TRIO: variants seen among roughly 807,000 people sequenced by gnomAD.
TRIO encodes trio Rho guanine nucleotide exchange factor.
A neutral mutation model predicts 351.9 loss-of-function variants in TRIO; 58 were observed. The observed-to-expected ratio is 0.16, with a 90% CI of 0.13 to 0.21. The LOEUF (loss-of-function observed/expected upper bound fraction) is 0.21, where lower values mean the gene tolerates loss of function less well. TRIO is among the 10% of genes least tolerant of loss of function. TRIO has a pLI of 1.00. For missense variants in TRIO, 3,201 were observed against 4,027.8 expected (o/e 0.79, Z 5.56); for synonymous variants, 1,758 against 1,595.7 (o/e 1.10, Z -2.42).
At chr5:14,375,117 G>A (rs1389479269) in intron 19 of TRIO, among the ~76,000 whole-genome samples, 3 of 152,162 alleles carry the variant, frequency 2.0e-5, no homozygotes, top group African/African-American at 7.2e-5. Flanking sequence ...TCATCTGTTA[G>A]TTGTCACAAA....
chr5:14,479,152 G>A (rs147103106), intron 41 of TRIO, 109 bp from the exon 42 acceptor site: 1 of 868,684 alleles, frequency 1.2e-6, no homozygotes, highest in African/African-American at 1.7e-5. Context: ...TGTGCAGCTT[G>A]GTTTTAAGAT....
At chr5:14,409,493 C>T (rs1748999353) in intron 33 of TRIO, among the ~76,000 whole-genome samples, 1 of 151,996 alleles carries the variant, frequency 6.6e-6, no homozygotes, top group African/African-American at 2.4e-5. Context: ...TTCTCTTGAC[C>T]TCATCTGATG....
intron 7 of TRIO, among the ~76,000 whole-genome samples, chr5:14,304,091 G>T: frequency 6.6e-6 from 1 of 152,178 alleles, no homozygotes; most frequent in Non-Finnish European, 1.5e-5. Context: ...TCATCTTTCT[G>T]TCCTCCCTTG....
Position 14,507,969 on chromosome 5 carries a change from C to A in TRIO, c.8841C>A (p.Tyr2947Ter). ...ATGCTGTTCAGCTCAACACGACCTA[C>A]TACATCCACCAGTTACTGGGGAACC... ...FGDAVQLNTT[Y>*]YIHQLLGNPE... Residue 2947 changes from tyrosine (Y) to a stop codon, truncating the protein, a stop_gained, in exon 57 of 57, where the codon TAC becomes TAA. Transcript: ENST00000344204. LOFTEE classifies it high-confidence loss of function. 6.2e-7 allele frequency: 1 copy of A among 1,614,248 alleles called. No homozygotes were observed. Among genetic ancestry groups the A allele is most frequent in the Non-Finnish European group, 8.5e-7 (1 of 1,180,048 alleles).
intron 11 of TRIO, among the ~76,000 whole-genome samples, chr5:14,345,593 C>T (rs1168194427): frequency 6.6e-6 from 1 of 152,218 alleles, no homozygotes. Flanking sequence ...CATAGTCTCA[C>T]TCTGTCACCC....
At chr5:14,176,935 A>T (rs972621698) in intron 1 of TRIO, among the ~76,000 whole-genome samples, 4 of 152,230 alleles carry the variant, frequency 2.6e-5, no homozygotes, top group African/African-American at 9.6e-5. Flanking sequence ...TACAGGGTTG[A>T]TAATATTATA....
Position 14,497,166 on chromosome 5 carries a change from T to C in TRIO, c.8019+149T>C, listed in dbSNP as rs1756956589. The C allele has an allele frequency of 4.2e-6, 5 of 1,193,694 alleles. No homozygotes were observed. In the East Asian group the frequency reaches 1.3e-4, roughly 31 times the overall value. 73.9% of individuals were successfully genotyped at this position (1,193,694 alleles called of 1,614,324 possible). A position where few individuals can be genotyped will look rare whatever the true frequency, so the allele number is the denominator to read the frequency against. On this transcript the variant is annotated intron_variant, in intron 50 of 56. Coordinates refer to ENST00000344204, the MANE Select transcript of TRIO (RefSeq NM_007118.4). This position sits in a 1 kb window ranked among gnomAD's most constrained non-coding sequence, Gnocchi z 4.4. ...GTGCCCTGCGTGTCCTGTAGGGTCT[T>C]GTTAGGGGCACTATGCTGGCCAGCA...
chr5:14,304,330 A>T (rs367881195), intron 7 of TRIO, 131 bp from the exon 8 acceptor site: 25 of 907,816 alleles, frequency 2.8e-5, no homozygotes, highest in Admixed American at 8.5e-5. Flanking sequence ...GCCATTTGAG[A>T]TGGAGAGTCA....
At chr5:14,490,347 A>G (rs943590063) in intron 48 of TRIO, among the ~76,000 whole-genome samples, 1 of 152,114 alleles carries the variant, frequency 6.6e-6, no homozygotes, top group African/African-American at 2.4e-5. Context: ...CTCCTTGATC[A>G]CTTCTGTCAA....
In TRIO at chr5:14,249,752, G is replaced by T. The variant is rs1271609782; in HGVS notation, c.158-21073G>T. On this transcript the variant is annotated intron_variant, in intron 1 of 56. Coordinates refer to ENST00000344204, the MANE Select transcript of TRIO (RefSeq NM_007118.4). Reference sequence around the variant, plus strand: ...GAACAGCATTCTGGACCCAGTGACAGCCCTGCATGAGGATTGGTTTAAAAA... The same window carrying T: ...GAACAGCATTCTGGACCCAGTGACATCCCTGCATGAGGATTGGTTTAAAAA... Among the ~76,000 whole-genome samples the T allele has an allele frequency of 4.6e-5, 7 of 152,150 alleles. No homozygotes were observed. In the South Asian group the frequency reaches 1.5e-3, roughly 32 times the overall value.
intron 1 of TRIO, among the ~76,000 whole-genome samples, chr5:14,267,522 T>C (rs1055467503): frequency 6.6e-6 from 1 of 152,240 alleles, no homozygotes; most frequent in Admixed American, 6.5e-5. Flanking sequence ...TTGAGTCTTA[T>C]CTGCTGTGTA....
At chr5:14,427,190 C>T (rs999340226) in intron 34 of TRIO, among the ~76,000 whole-genome samples, 3 of 152,122 alleles carry the variant, frequency 2.0e-5, no homozygotes, top group African/African-American at 7.2e-5. Flanking sequence ...GCCTCCTCAC[C>T]CCACCCCTTT....
chr5:14,430,111 C>T (rs537953773), intron 34 of TRIO, among the ~76,000 whole-genome samples: 48 of 148,002 alleles, frequency 3.2e-4, no homozygotes, highest in African/African-American at 1.2e-3. Flanking sequence ...GAATTCTAGG[C>T]GTAGAATTGA....
At chr5:14,229,756 G>T (rs957587343) in intron 1 of TRIO, among the ~76,000 whole-genome samples, 4 of 152,096 alleles carry the variant, frequency 2.6e-5, no homozygotes, top group Non-Finnish European at 5.9e-5. Context: ...CTGAAAACAC[G>T]AAAATAGCGC....
chr5:14,186,899 G>A (rs1433199592), intron 1 of TRIO, among the ~76,000 whole-genome samples: 2 of 152,166 alleles, frequency 1.3e-5, no homozygotes, highest in Non-Finnish European at 2.9e-5. Context: ...TCTAATGATT[G>A]AGACTCTTGG....
intron 37 of TRIO, among the ~76,000 whole-genome samples, chr5:14,467,755 G>A (rs1315307474): frequency 1.3e-5 from 2 of 152,304 alleles, no homozygotes; most frequent in East Asian, 3.9e-4. Flanking sequence ...TGAGGCTGCA[G>A]TGAGCTGAGA....
chr5:14,161,084 ATTT>A (rs989398777), intron 1 of TRIO, among the ~76,000 whole-genome samples: 12 of 151,880 alleles, frequency 7.9e-5, no homozygotes, highest in Non-Finnish European at 1.6e-4. Context: ...TAATTTTTGT[ATTT>A]TTGTAGAGAT....
chr5:14,321,256 C>G (rs932599413), intron 9 of TRIO, among the ~76,000 whole-genome samples: 2 of 152,210 alleles, frequency 1.3e-5, no homozygotes, highest in Non-Finnish European at 2.9e-5. Flanking sequence ...ACAGAAGAGG[C>G]AGGACCCATC....
chr5:14,160,744 C>T (rs1026258557), intron 1 of TRIO, among the ~76,000 whole-genome samples: 7 of 152,186 alleles, frequency 4.6e-5, no homozygotes, highest in East Asian at 1.9e-4. Flanking sequence ...TACTGGTACA[C>T]GCCTATTTTA....
Sources: allele counts gnomAD v4.1 joint callset (sites outside exome capture counted in the v4.1 genomes callset), GRCh38; gene constraint gnomAD v4.1.1; non-coding constraint Gnocchi (gnomAD v3.1); transcripts MANE v1.5; gene names NCBI Gene and HGNC (gene_info 2026-07-23, HGNC 2026-07-21).